The following ZNF469 variants were observed in gnomAD, a reference collection of about 807,000 sequenced individuals.
The protein encoded by ZNF469 is zinc finger protein 469.
In ZNF469, 1 loss-of-function variant was observed where a neutral mutation model predicts 1.0. The observed-to-expected ratio is 1.00, with a 90% CI of 0.35 to 4.73. ZNF469 has a LOEUF of 4.73. ZNF469 is among the 30% of genes most tolerant of loss of function. The pLI, the probability that ZNF469 is intolerant of heterozygous loss-of-function variation, is 0.16. For missense variants in ZNF469, 6,100 were observed against 5,356.3 expected (o/e 1.14, Z -4.33); for synonymous variants, 2,703 against 2,363.4 (o/e 1.14, Z -4.17).
At chr16:88,241,573 C>G in the ZNF469 span, among the ~76,000 whole-genome samples, 1 of 152,144 alleles carries the variant, frequency 6.6e-6, no homozygotes, top group Non-Finnish European at 1.5e-5. The surrounding 1 kb of genome is among the most constrained non-coding windows in gnomAD (Gnocchi z 4.8). Context: ...CTCCCTTGCA[C>G]TCATGACAGG....
Position 88,436,514 on chromosome 16 carries a change from A to G in ZNF469, c.9044A>G (p.Asp3015Gly), listed in dbSNP as rs759678019. ...PADDSSSSLG[D>G]VSPEPPSLER... ...GATGACTCCTCCTCTTCTCTCGGAG[A>G]TGTGAGCCCCGAGCCCCCCAGCCTG... The change falls in exon 3 of 3, where the codon GAT becomes GGT. Residue 3015 changes from aspartate (D) to glycine (G), a missense_variant. Physicochemically the swap from Asp to Gly is moderately conservative, Grantham distance 94 (BLOSUM62 -1). Transcript: ENST00000565624. 1.9e-6 allele frequency: 3 copies of G among 1,548,772 alleles called. No homozygotes were observed. Among genetic ancestry groups the G allele is most frequent in the South Asian group, 2.4e-5 (2 of 84,054 alleles).
intron 1 of ZNF469, among the ~76,000 whole-genome samples, chr16:88,386,357 G>A (rs187454261): frequency 1.3e-4 from 20 of 152,076 alleles, no homozygotes; most frequent in East Asian, 1.2e-3. Flanking sequence ...CTCTCTTCCC[G>A]CCTCCTGCCC....
chr16:88,340,141 C>A, the ZNF469 span, among the ~76,000 whole-genome samples: 32,880 of 152,138 alleles, frequency 0.22, 4,470 homozygotes, highest in African/African-American at 0.39. Context: ...CTACCCCAGC[C>A]GACATGGCTG....
Position 88,429,812 on chromosome 16 carries a change from G to C in ZNF469, c.2342G>C (p.Arg781Thr), listed in dbSNP as rs1218543335. ...PGLPSPPAAPRVPADAHAGLL... is the reference protein window; with the variant it reads ...PGLPSPPAAPTVPADAHAGLL... ...CTCCCCTCGCCCCCCGCTGCCCCCA[G>C]AGTCCCTGCCGACGCACACGCGGGC... The change falls in exon 3 of 3, where the codon AGA becomes ACA. Residue 781 changes from arginine (R) to threonine (T), a missense_variant. Arg to Thr is a moderately conservative substitution (Grantham distance 71). Transcript: ENST00000565624. The C allele has an allele frequency of 6.5e-7, 1 of 1,545,970 alleles. No homozygotes were observed. Among genetic ancestry groups the C allele is most frequent in the Non-Finnish European group, 8.7e-7 (1 of 1,144,446 alleles).
chr16:88,432,374 C>T lies in ZNF469; in HGVS notation c.4904C>T (p.Ala1635Val). The change falls in exon 3 of 3, where the codon GCA becomes GTA. Residue 1635 changes from alanine to valine, a missense_variant. By Grantham distance (64) the Ala-to-Val change is moderately conservative. Coordinates refer to ENST00000565624, the MANE Select transcript of ZNF469 (RefSeq NM_001367624.2). ...CTCACGCGCGTTGGAGAATCCACTG[C>T]ACATCGGGAGGGTGCGGAATCGGCT... Reference protein sequence around the residue: ...ADLTRVGESTAHREGAESAVA... With the variant: ...ADLTRVGESTVHREGAESAVA... The T allele has an allele frequency of 6.5e-7, 1 of 1,549,090 alleles. No individual in the cohort carries two copies. Among genetic ancestry groups the T allele is most frequent in the Admixed American group, 2.0e-5 (1 of 51,000 alleles).
chr16:88,388,588 T>C (rs554448489), intron 1 of ZNF469, among the ~76,000 whole-genome samples: 12 of 152,324 alleles, frequency 7.9e-5, no homozygotes, highest in African/African-American at 2.9e-4. Context: ...TTCTCTGCAT[T>C]CCGGGCAGGG....
Position 88,439,068 on chromosome 16 carries a change from C to T in ZNF469, c.11598C>T (p.Ser3866=), listed in dbSNP as rs1646686644. ...TCCCGACCAAGCCCAAGCCCAACAG[C>T]CAGAACAAACCCAGGCCGCCACCAT... The part of the protein sequence containing the change: ...RVLPTKPKPN[S]QNKPRPPPSE... Residue 3866 remains serine, a synonymous_variant, in exon 3 of 3, where the codon AGC becomes AGT. Coordinates refer to ENST00000565624, the MANE Select transcript of ZNF469 (RefSeq NM_001367624.2). 3.9e-6 allele frequency: 6 copies of T among 1,550,756 alleles called. No individual in the cohort carries two copies. Among genetic ancestry groups the T allele is most frequent in the Non-Finnish European group, 5.2e-6 (6 of 1,146,974 alleles).
the ZNF469 span, among the ~76,000 whole-genome samples, chr16:88,150,067 A>G: frequency 1.3e-5 from 2 of 152,192 alleles, no homozygotes; most frequent in Non-Finnish European, 2.9e-5. Flanking sequence ...CAGCACTTTG[A>G]GAGGCCGAGG....
chr16:88,152,348 C>G, the ZNF469 span, among the ~76,000 whole-genome samples: 3 of 152,236 alleles, frequency 2.0e-5, no homozygotes, highest in Non-Finnish European at 4.4e-5. The surrounding 1 kb of genome is among the most constrained non-coding windows in gnomAD (Gnocchi z 4.2). Flanking sequence ...GTTTCCATAG[C>G]TCTCCAACAC....
the ZNF469 span, among the ~76,000 whole-genome samples, chr16:88,156,484 A>G: frequency 6.6e-6 from 1 of 152,210 alleles, no homozygotes; most frequent in Non-Finnish European, 1.5e-5. Context: ...TTTGTTGAAG[A>G]CTATTCTTTC....
At chr16:88,421,120 G>A (rs1019528555) in intron 1 of ZNF469, among the ~76,000 whole-genome samples, 2 of 151,920 alleles carry the variant, frequency 1.3e-5, no homozygotes, top group Non-Finnish European at 2.9e-5. Context: ...GAGGTGAGGC[G>A]AAGAGGGTTG....
intron 1 of ZNF469, among the ~76,000 whole-genome samples, chr16:88,423,225 AGGTG>A (rs1265177885): frequency 1.2e-5 from 1 of 85,326 alleles, no homozygotes; most frequent in Non-Finnish European, 2.4e-5. Context: ...ATGGATGGAT[AGGTG>A]GGTGGATGGA....
the ZNF469 span, among the ~76,000 whole-genome samples, chr16:88,198,307 C>T: frequency 1.1e-4 from 17 of 152,176 alleles, no homozygotes; most frequent in East Asian, 2.1e-3. Context: ...TCCTCCCCAG[C>T]GGGGGACTTT....
intron 1 of ZNF469, among the ~76,000 whole-genome samples, chr16:88,410,691 A>G (rs1905133666): frequency 6.7e-6 from 1 of 148,538 alleles, no homozygotes; most frequent in Admixed American, 6.7e-5. Flanking sequence ...TTCACAGTGC[A>G]GGTCACACAG....
chr16:88,324,704 G>A, the ZNF469 span, among the ~76,000 whole-genome samples: 1 of 152,224 alleles, frequency 6.6e-6, no homozygotes, highest in Non-Finnish European at 1.5e-5. Flanking sequence ...TTAAGGGGAA[G>A]GTTATTCAGA....
At chr16:88,353,705 C>G in the ZNF469 span, among the ~76,000 whole-genome samples, 1 of 152,228 alleles carries the variant, frequency 6.6e-6, no homozygotes, top group African/African-American at 2.4e-5. Context: ...AAACAGGGGC[C>G]TTGCAGGTGT....
chr16:88,427,897 G>C lies in ZNF469; in HGVS notation c.427G>C (p.Glu143Gln). The change falls in exon 3 of 3, where the codon GAG becomes CAG. Residue 143 changes from glutamate (E) to glutamine (Q), a missense_variant. Coordinates refer to ENST00000565624, the MANE Select transcript of ZNF469 (RefSeq NM_001367624.2). Reference protein sequence around the residue: ...LDETPENPQLEAAQLPEVDTP... With the variant: ...LDETPENPQLQAAQLPEVDTP... ...CGAGACACCAGAGAACCCACAGCTG[G>C]AGGCTGCCCAGCTCCCTGAGGTGGA... 6.5e-7 allele frequency: 1 copy of C among 1,549,854 alleles called. No individual in the cohort carries two copies. Among genetic ancestry groups the C allele is most frequent in the Non-Finnish European group, 8.7e-7 (1 of 1,146,830 alleles).
At chr16:88,156,558 C>A in the ZNF469 span, among the ~76,000 whole-genome samples, 3 of 152,162 alleles carry the variant, frequency 2.0e-5, no homozygotes, top group Non-Finnish European at 4.4e-5. Flanking sequence ...GAAGTTGAAG[C>A]GTTAGATTTA....
chr16:88,437,522 A>T lies in ZNF469; in HGVS notation c.10052A>T (p.Lys3351Met). 1.3e-6 allele frequency: 2 copies of T among 1,542,424 alleles called. No individual in the cohort carries two copies. The highest frequency in any genetic ancestry group is 1.8e-6 in the Non-Finnish European group (2 of 1,141,618). Residue 3351 changes from lysine to methionine, a missense_variant, in exon 3 of 3, where the codon AAG becomes ATG. By Grantham distance (95) the Lys-to-Met change is moderately conservative. Coordinates refer to ENST00000565624, the MANE Select transcript of ZNF469 (RefSeq NM_001367624.2). ...GGGAAGCGCTTCCCCAAGCCCTTCAAGCTGCAGCGCCACCTGGCGGTGCAC... is the reference window on the plus strand; with the variant it reads ...GGGAAGCGCTTCCCCAAGCCCTTCATGCTGCAGCGCCACCTGGCGGTGCAC... ...HCGKRFPKPF[K>M]LQRHLAVHSP...
Sources: gnomAD v4.1 joint callset for allele counts (sites outside exome capture counted in the v4.1 genomes callset) on GRCh38, gnomAD v4.1.1 for gene constraint, Gnocchi (gnomAD v3.1) non-coding constraint, MANE v1.5 for transcripts, NCBI Gene and HGNC (gene_info 2026-07-23, HGNC 2026-07-21) for gene names.